TJP3: variants seen among roughly 807,000 people sequenced by gnomAD.
The protein encoded by TJP3 is tight junction protein 3.
In TJP3, 85 loss-of-function variants were observed where a neutral mutation model predicts 104.2. The ratio of observed to expected loss-of-function variants is 0.82; its 90% CI spans 0.68 to 0.98. TJP3 has a LOEUF of 0.98. Among genes scored for constraint, TJP3 ranks in the 50% least tolerant of loss-of-function variants. The pLI, the probability that TJP3 is intolerant of heterozygous loss-of-function variation, is 0.00. For missense variants in TJP3, 1,367 were observed against 1,322.8 expected (o/e 1.03, Z -0.52); for synonymous variants, 550 against 550.6 (o/e 1.00, Z 0.02).
intron 20 of TJP3, 73 bp from the exon 21 acceptor site, chr19:3,750,509 C>T (rs2145712219): frequency 7.5e-7 from 1 of 1,327,128 alleles, no homozygotes; most frequent in South Asian, 1.3e-5. Flanking sequence ...CCTAGCACAG[C>T]CAGCCTCAGT....
rs754046390 is a variant in TJP3, at chr19:3,733,839, G to A, written c.804G>A (p.Val268=). ...EKSEGKLSLL[V]LRDRGQFLVN... is the part of the protein sequence containing the mutation. ...CAGAAGGGAAGCTAAGCCTGCTGGT[G>A]CTGAGAGATCGTGGGCAGTTCCTGG... Residue 268 remains valine, a synonymous_variant, in exon 7 of 21, where the codon GTG becomes GTA. Transcript: ENST00000541714. 1.2e-6 allele frequency: 2 copies of A among 1,614,248 alleles called. No homozygotes were observed. Among genetic ancestry groups the A allele is most frequent in the Admixed American group, 3.3e-5 (2 of 60,020 alleles).
intron 19 of TJP3, chr19:3,749,575 G>A (rs2036961903): frequency 6.5e-6 from 1 of 152,686 alleles, no homozygotes; most frequent in Admixed American, 6.5e-5. Context: ...CTAACTCCTG[G>A]GCTCAAGTGA....
In TJP3 at chr19:3,719,093, A is replaced by C. The variant is rs964522142; in HGVS notation, c.-9-9331A>C. On this transcript the variant is annotated intron_variant, in intron 1 of 20. Transcript: ENST00000541714. ...CAGCTACTCAGGAGGCTGAGGCATG[A>C]GAATGGTGTGAACCCCGCAGGCGGA... 2.0e-5 allele frequency among the ~76,000 whole-genome samples: 3 copies of C among 152,136 alleles called. No individual in the cohort carries two copies. In the South Asian group the frequency reaches 6.2e-4, roughly 32 times the overall value.
At chr19:3,748,416 C>G (rs987928461) in intron 19 of TJP3, among the ~76,000 whole-genome samples, 1 of 151,338 alleles carries the variant, frequency 6.6e-6, no homozygotes, top group Non-Finnish European at 1.5e-5. Context: ...GGATTACAGG[C>G]ACCTGCCACC....
intron 5 of TJP3, among the ~76,000 whole-genome samples, chr19:3,731,251 C>G (rs992910107): frequency 1.3e-5 from 2 of 152,174 alleles, no homozygotes; most frequent in South Asian, 2.1e-4. Flanking sequence ...GCAAGAGGGA[C>G]TCAGCAGATG....
chr19:3,743,216 A>G (rs1638708), intron 14 of TJP3, among the ~76,000 whole-genome samples: 40,950 of 152,006 alleles, frequency 0.27, 6,075 homozygotes, highest in Non-Finnish European at 0.34. Flanking sequence ...GTGAGCCAAG[A>G]TTGCGCCACT....
At chr19:3,729,961 A>G in intron 3 of TJP3, 67 bp from the exon 4 acceptor site, 1 of 1,318,844 alleles carries the variant, frequency 7.6e-7, no homozygotes, top group South Asian at 1.2e-5. Context: ...CCCCCTCCCC[A>G]GGGAGGGCTT....
At chr19:3,728,539 A>G in intron 2 of TJP3, 59 bp downstream of exon 2, 1 of 1,597,868 alleles carries the variant, frequency 6.3e-7, no homozygotes, top group Non-Finnish European at 8.5e-7. Context: ...GGCCCAGCTC[A>G]ATAGAGGGGA....
chr19:3,728,409 G>C lies in TJP3; in HGVS notation c.-9-15G>C, dbSNP rs756607504. ...GTGTGGCCTCATGCCCATCTTCCCC[G>C]CTCCCCTCGACCAGGTGGCTGACAT... On this transcript the variant is annotated splice_polypyrimidine_tract_variant and intron_variant, in intron 1 of 20. Transcript: ENST00000541714. 4 of 1,613,998 alleles carry C rather than the reference G, an allele frequency of 2.5e-6. No homozygotes were observed. Among genetic ancestry groups the C allele is most frequent in the Non-Finnish European group, 3.4e-6 (4 of 1,179,986 alleles).
Position 3,721,935 on chromosome 19 carries a change from G to C in TJP3, c.-9-6489G>C, listed in dbSNP as rs976250065. 2.5e-6 allele frequency: 3 copies of C among 1,209,982 alleles called. No individual in the cohort carries two copies. The African/African-American group carries it at 4.7e-5, about 19-fold the overall frequency. 75.0% of individuals were successfully genotyped at this position (1,209,982 alleles called of 1,614,324 possible). On this transcript the variant is annotated intron_variant, in intron 1 of 20. Coordinates refer to ENST00000541714, the MANE Select transcript of TJP3 (RefSeq NM_001267560.2). ...GGCGAGTAACCCTCCAAGGGTGGCA[G>C]GGGGAGGGGCTCGGGCTGAGGTGGG...
intron 1 of TJP3, among the ~76,000 whole-genome samples, chr19:3,716,071 G>A (rs1281986538): frequency 6.8e-6 from 1 of 147,220 alleles, no homozygotes; most frequent in African/African-American, 2.5e-5. Flanking sequence ...GAGCCACCAC[G>A]CCCGACTTGT....
At chr19:3,715,093 G>GTTTT (rs34360179) in intron 1 of TJP3, among the ~76,000 whole-genome samples, 1 of 143,004 alleles carries the variant, frequency 7.0e-6, no homozygotes, top group Non-Finnish European at 1.5e-5. Context: ...TGGTTGGTTG[G>GTTTT]TTTTTTTTTT....
chr19:3,728,098 G>A (rs549840336), intron 1 of TJP3, among the ~76,000 whole-genome samples: 1 of 151,662 alleles, frequency 6.6e-6, no homozygotes, highest in South Asian at 2.1e-4. Context: ...AGATTAGCCA[G>A]GTGTGGTGGT....
intron 1 of TJP3, among the ~76,000 whole-genome samples, chr19:3,725,694 C>CAAA (rs11412351): frequency 0.2 from 23,664 of 118,664 alleles, 2,393 homozygotes; most frequent in Non-Finnish European, 0.26. Flanking sequence ...AACCCCATCT[C>CAAA]AAAAAAAAAA....
chr19:3,734,195 GA>G, intron 7 of TJP3, 131 bp from the exon 8 acceptor site: 1 of 1,045,144 alleles, frequency 9.6e-7, no homozygotes, highest in Non-Finnish European at 1.4e-6. Context: ...CTCCAGAGCC[GA>G]ATCTTCTAAC....
intron 1 of TJP3, among the ~76,000 whole-genome samples, chr19:3,719,012 C>T (rs1446067840): frequency 2.0e-5 from 3 of 151,672 alleles, no homozygotes; most frequent in African/African-American, 7.3e-5. Flanking sequence ...GGTGAAACCC[C>T]GTCTCTACTA....
At chr19:3,740,105 A>G (rs533830442) in intron 13 of TJP3, among the ~76,000 whole-genome samples, 52 of 151,886 alleles carry the variant, frequency 3.4e-4, no homozygotes, top group Admixed American at 2.6e-3. Context: ...GGTGGTGCAT[A>G]CCTGTAATCC....
At position 3,730,742 on chromosome 19, in the gene TJP3, T is replaced by G. The variant is rs887175057; in HGVS notation, c.613+36T>G. 1.9e-6 allele frequency: 3 copies of G among 1,566,934 alleles called. No individual in the cohort carries two copies. The highest frequency in any genetic ancestry group is 2.7e-5 in the African/African-American group (2 of 73,570). ...GCGGGAGGTCGGACACGATCAGTACTGGACACAGGGCACCGTGGTCGGATG... is the reference window on the plus strand; with the variant it reads ...GCGGGAGGTCGGACACGATCAGTACGGGACACAGGGCACCGTGGTCGGATG... On this transcript the variant is annotated intron_variant, in intron 5 of 20. Transcript: ENST00000541714. This position sits in a 1 kb window ranked among gnomAD's most constrained non-coding sequence, Gnocchi z 7.3.
chr19:3,745,507 C>G (rs1202471540), intron 15 of TJP3, among the ~76,000 whole-genome samples: 1 of 152,134 alleles, frequency 6.6e-6, no homozygotes, highest in African/African-American at 2.4e-5. Flanking sequence ...CTCCTTGAAC[C>G]CCTCCATGCC....
Sources: allele counts gnomAD v4.1 joint callset (sites outside exome capture counted in the v4.1 genomes callset), GRCh38; gene constraint gnomAD v4.1.1; non-coding constraint Gnocchi (gnomAD v3.1); transcripts MANE v1.5; gene names NCBI Gene and HGNC (gene_info 2026-07-23, HGNC 2026-07-21).